The following RHBDL3 variants were observed in gnomAD, a reference collection of about 807,000 sequenced individuals.
The protein encoded by RHBDL3 is rhomboid-related protein 3.
In RHBDL3, 28 loss-of-function variants were observed where a neutral mutation model predicts 48.2. The ratio of observed to expected loss-of-function variants is 0.58; its 90% CI spans 0.43 to 0.80. The LOEUF (loss-of-function observed/expected upper bound fraction) is 0.80, where lower values mean the gene tolerates loss of function less well. Ranked by LOEUF, RHBDL3 falls within the 30% of genes least tolerant of loss-of-function variation. RHBDL3 has a pLI of 0.00. For missense variants in RHBDL3, 464 were observed against 542.7 expected (o/e 0.85, Z 1.44); for synonymous variants, 208 against 232.3 (o/e 0.90, Z 0.95).
Position 32,321,131 on chromosome 17 carries a change from A to T in RHBDL3, c.1117A>T (p.Ile373Phe). Residue 373 changes from isoleucine (I) to phenylalanine (F), a missense_variant, in exon 9 of 9, where the codon ATT becomes TTT. Physicochemically the swap from Ile to Phe is conservative, Grantham distance 21 (BLOSUM62 0). Transcript: ENST00000269051. ...GCTCCAGGACCAGTCACTGTGGTGG[A>T]TTTTTGTGGCCATGTACACCGTCTT... is the stretch of plus-strand genomic sequence containing the variant. Reference protein sequence around the residue: ...QRLQDQSLWWIFVAMYTVFVL... With the variant: ...QRLQDQSLWWFFVAMYTVFVL... 6.2e-7 allele frequency: 1 copy of T among 1,614,150 alleles called. No individual in the cohort carries two copies. The highest frequency in any genetic ancestry group is 2.2e-5 in the East Asian group (1 of 44,864).
intron 7 of RHBDL3, among the ~76,000 whole-genome samples, chr17:32,307,242 G>T (rs2040732164): frequency 6.6e-6 from 1 of 152,162 alleles, no homozygotes; most frequent in Non-Finnish European, 1.5e-5. Flanking sequence ...ATGGCTGGGA[G>T]CATGGTAGAT....
In RHBDL3 at chr17:32,284,804, A is replaced by T; in HGVS notation, c.281A>T (p.Asp94Val). The change falls in exon 3 of 9, where the codon GAT becomes GTT. Residue 94 changes from aspartate (D) to valine (V), a missense_variant. Coordinates refer to ENST00000269051, the MANE Select transcript of RHBDL3 (RefSeq NM_138328.3). The part of the protein sequence containing the change: ...SHADGQIGYQ[D>V]FVSLMSNKRS... ...GCGGATGGGCAGATCGGCTACCAGG[A>T]TTTTGTCAGCCTAGTGAGTGCTCTG... 5 of 1,613,810 alleles carry T rather than the reference A, an allele frequency of 3.1e-6. No homozygotes were observed. The highest frequency in any genetic ancestry group is 2.5e-6 in the Non-Finnish European group (3 of 1,179,992).
intron 6 of RHBDL3, among the ~76,000 whole-genome samples, chr17:32,299,535 C>T (rs1353011550): frequency 1.3e-5 from 2 of 152,204 alleles, no homozygotes; most frequent in Non-Finnish European, 2.9e-5. Flanking sequence ...ATTTTCCATA[C>T]CTCAATACCC....
intron 7 of RHBDL3, among the ~76,000 whole-genome samples, chr17:32,314,038 C>T (rs984321647): frequency 1.3e-5 from 2 of 152,136 alleles, no homozygotes; most frequent in Non-Finnish European, 2.9e-5. Flanking sequence ...GGATTATAGG[C>T]GTGAGCCACC....
intron 7 of RHBDL3, among the ~76,000 whole-genome samples, chr17:32,312,105 T>C (rs753286769): frequency 6.6e-6 from 1 of 152,218 alleles, no homozygotes; most frequent in African/African-American, 2.4e-5. Flanking sequence ...ATATTATCAC[T>C]CAGGACATAG....
At position 32,294,368 on chromosome 17, in the gene RHBDL3, G is replaced by T; in HGVS notation, c.594G>T (p.Lys198Asn). 1 of 1,614,082 alleles carries T rather than the reference G, an allele frequency of 6.2e-7. No individual in the cohort carries two copies. The highest frequency in any genetic ancestry group is 1.7e-5 in the Admixed American group (1 of 60,010). The change falls in exon 5 of 9, where the codon AAG (lysine) becomes AAT (asparagine). Residue 198 changes from lysine (K) to asparagine (N), a missense_variant. By Grantham distance (94) the Lys-to-Asn change is moderately conservative (BLOSUM62 0). Coordinates refer to ENST00000269051, the MANE Select transcript of RHBDL3 (RefSeq NM_138328.3). ...VLQVTHPRYL[K>N]NSLVYHPQLR... ...AGGTAACTCATCCACGTTACTTGAAGAACTCCCTGGTTTACCACCCACAGC... is the reference window on the plus strand; with the variant it reads ...AGGTAACTCATCCACGTTACTTGAATAACTCCCTGGTTTACCACCCACAGC...
At chr17:32,300,089 G>A (rs1248973510) in intron 6 of RHBDL3, among the ~76,000 whole-genome samples, 2 of 152,216 alleles carry the variant, frequency 1.3e-5, no homozygotes, top group Non-Finnish European at 2.9e-5. Context: ...GCACAGATAT[G>A]GAAACCAAGG....
chr17:32,267,710 T>C (rs1027967210), intron 1 of RHBDL3, 192 bp from the exon 2 acceptor site: 13 of 1,247,642 alleles, frequency 1.0e-5, no homozygotes, highest in African/African-American at 1.6e-5. Flanking sequence ...CTGCTCAGTG[T>C]GGACTCATTG....
At chr17:32,294,941 A>C (rs1354255579) in intron 5 of RHBDL3, among the ~76,000 whole-genome samples, 1 of 152,180 alleles carries the variant, frequency 6.6e-6, no homozygotes, top group African/African-American at 2.4e-5. Flanking sequence ...GCTGCAGCAC[A>C]ATCGGTTCTC....
chr17:32,311,759 CG>C (rs2040851906), intron 7 of RHBDL3, among the ~76,000 whole-genome samples: 1 of 152,146 alleles, frequency 6.6e-6, no homozygotes, highest in Non-Finnish European at 1.5e-5. Flanking sequence ...GCAAACTCCC[CG>C]TCTTTGTCTC....
At chr17:32,308,304 T>C (rs1406890552) in intron 7 of RHBDL3, among the ~76,000 whole-genome samples, 1 of 152,136 alleles carries the variant, frequency 6.6e-6, no homozygotes, top group Non-Finnish European at 1.5e-5. Flanking sequence ...TTGTGTGGGT[T>C]GGGCGCGCTG....
chr17:32,296,251 AAAAAAAAG>A (rs1673425640), intron 5 of RHBDL3, among the ~76,000 whole-genome samples: 1 of 150,316 alleles, frequency 6.7e-6, no homozygotes, highest in South Asian at 2.1e-4. Flanking sequence ...TCAAAAAAAA[AAAAAAAAG>A]AAAAAAGAAA....
chr17:32,276,740 TTACTCCAGCCCTAGCACAG>T (rs879561953), intron 2 of RHBDL3, among the ~76,000 whole-genome samples: 6,602 of 75,516 alleles, frequency 0.087, 435 homozygotes, highest in Non-Finnish European at 0.1. Flanking sequence ...CCCTAGCACC[TTACTCCAGCCCTAGCACAG>T]TACTCCGGCC....
intron 2 of RHBDL3, among the ~76,000 whole-genome samples, chr17:32,277,351 CAG>C (rs1248535581): frequency 6.6e-6 from 1 of 152,250 alleles, no homozygotes; most frequent in African/African-American, 2.4e-5. Context: ...CACAAGAAGA[CAG>C]AGGTATGTCC....
rs1248721322 is a variant in RHBDL3, at chr17:32,288,905, C to T, written c.408C>T (p.Ile136=). ...EKGLSLSQRL[I]RHVAYETLPR... ...GGCTGAGCCTCTCGCAGCGACTTAT[C>T]CGCCATGTGGCCTATGAGACCCTGC... Residue 136 remains isoleucine, a synonymous_variant, in exon 4 of 9, where the codon ATC becomes ATT. Coordinates refer to ENST00000269051, the MANE Select transcript of RHBDL3 (RefSeq NM_138328.3). The T allele has an allele frequency of 6.2e-7, 1 of 1,614,242 alleles. No individual in the cohort carries two copies. Among genetic ancestry groups the T allele is most frequent in the South Asian group, 1.1e-5 (1 of 91,080 alleles).
At chr17:32,278,894 A>G (rs2039976266) in intron 2 of RHBDL3, among the ~76,000 whole-genome samples, 1 of 152,170 alleles carries the variant, frequency 6.6e-6, no homozygotes, top group African/African-American at 2.4e-5. Flanking sequence ...TACGAGGCCA[A>G]AGTGGGAGGA....
chr17:32,289,435 G>A (rs931312529), intron 4 of RHBDL3, among the ~76,000 whole-genome samples: 8 of 151,996 alleles, frequency 5.3e-5, no homozygotes, highest in African/African-American at 1.7e-4. Context: ...CCTTTTTCCC[G>A]CCTGAAAATC....
At chr17:32,298,963 C>T (rs1567780031) in intron 6 of RHBDL3, among the ~76,000 whole-genome samples, 3 of 151,194 alleles carry the variant, frequency 2.0e-5, no homozygotes, top group South Asian at 4.2e-4. Context: ...GGGGAGAGCA[C>T]GGATTTCTGC....
rs528609248 is a variant in RHBDL3 at position 32,283,098 on chromosome 17, C to A, written c.136-1561C>A. ...CCCTCGTCATGCACACACATACATC[C>A]TCAATGTCTGTTTGCCTTTTAAACA... On this transcript the variant is annotated intron_variant, in intron 2 of 8. Coordinates refer to ENST00000269051, the MANE Select transcript of RHBDL3 (RefSeq NM_138328.3). Among the ~76,000 whole-genome samples the A allele has an allele frequency of 2.6e-5, 4 of 152,244 alleles. No homozygotes were observed. In the South Asian group the frequency reaches 8.3e-4, roughly 32 times the overall value.
Sources: gnomAD v4.1 joint callset for allele counts (sites outside exome capture counted in the v4.1 genomes callset) on GRCh38, gnomAD v4.1.1 for gene constraint, MANE v1.5 for transcripts, NCBI Gene and HGNC (gene_info 2026-07-23, HGNC 2026-07-21) for gene names.